Variants in SHANK2 observed in about 807,000 individuals in gnomAD.
SHANK2 encodes SH3 and multiple ankyrin repeat domains 2, also known as SH3 and multiple ankyrin repeat domains protein 2.
SHANK2 carries 43 observed loss-of-function variants against 133.7 expected under a neutral mutation model. That is an observed-to-expected ratio of 0.32 (90% CI 0.25 to 0.41). SHANK2 has a LOEUF of 0.41. Among genes scored for constraint, SHANK2 ranks in the 10% least tolerant of loss-of-function variants. The pLI, the probability that SHANK2 is intolerant of heterozygous loss-of-function variation, is 1.00. For synonymous variants in SHANK2, 1,017 were observed against 952.8 expected (o/e 1.07, Z -1.24); for missense variants, 1,994 against 2,235.8 (o/e 0.89, Z 2.18).
intron 2 of SHANK2, among the ~76,000 whole-genome samples, chr11:71,167,556 T>C (rs1953189685): frequency 9.1e-6 from 1 of 110,114 alleles, no homozygotes; most frequent in Admixed American, 8.9e-5. Context: ...CCCCCCCACC[T>C]CCCTCCCGGA....
At chr11:71,069,070 T>C (rs952893642) in intron 9 of SHANK2, among the ~76,000 whole-genome samples, 1 of 147,834 alleles carries the variant, frequency 6.8e-6, no homozygotes, top group Non-Finnish European at 1.5e-5. Context: ...ACCATCACCA[T>C]CACCACCACC....
intron 12 of SHANK2, among the ~76,000 whole-genome samples, chr11:70,819,776 C>T (rs549423549): frequency 6.6e-6 from 1 of 152,168 alleles, no homozygotes; most frequent in East Asian, 1.9e-4. Flanking sequence ...TGGACCCAGG[C>T]CTGCAAGTGC....
At chr11:70,556,392 TTTCTC>T (rs1554979583) in intron 17 of SHANK2, among the ~76,000 whole-genome samples, 3,579 of 14,514 alleles carry the variant, frequency 0.25, 136 homozygotes, top group Middle Eastern at 0.33. Flanking sequence ...TCTTTCTTTC[TTTCTC>T]TCTCTCTCTC....
chr11:70,605,340 C>A (rs1022587541), intron 17 of SHANK2, among the ~76,000 whole-genome samples: 2 of 152,230 alleles, frequency 1.3e-5, no homozygotes, highest in Non-Finnish European at 2.9e-5. Flanking sequence ...GCTGGCCACG[C>A]CCAGAAGGCA....
intron 14 of SHANK2, among the ~76,000 whole-genome samples, chr11:70,760,296 C>T (rs1186902601): frequency 1.3e-5 from 2 of 152,344 alleles, no homozygotes; most frequent in South Asian, 2.1e-4. Flanking sequence ...CTCCTCGAAG[C>T]GCCTGCCTCT....
At chr11:70,816,620 C>T (rs1948403558) in intron 12 of SHANK2, among the ~76,000 whole-genome samples, 1 of 152,188 alleles carries the variant, frequency 6.6e-6, no homozygotes, top group African/African-American at 2.4e-5. Context: ...GGCAGGCGCA[C>T]AAGGCATGGG....
intron 8 of SHANK2, among the ~76,000 whole-genome samples, chr11:71,079,137 G>C (rs1306721113): frequency 1.3e-5 from 2 of 152,248 alleles, no homozygotes; most frequent in African/African-American, 2.4e-5. Context: ...GTGTGATGCT[G>C]ACAGCACAGC....
intron 10 of SHANK2, among the ~76,000 whole-genome samples, chr11:70,933,979 C>T (rs1950536551): frequency 6.6e-6 from 1 of 151,610 alleles, no homozygotes; most frequent in South Asian, 2.1e-4. Context: ...TGCCTATTAT[C>T]CCAGTGCTTT....
chr11:70,661,987 A>G, intron 15 of SHANK2: 2 of 622,798 alleles, frequency 3.2e-6, no homozygotes, highest in East Asian at 2.9e-5. Context: ...CTGGAGGCTC[A>G]AGGGGGGCTG....
intron 17 of SHANK2, among the ~76,000 whole-genome samples, chr11:70,649,152 C>T (rs782040240): frequency 3.3e-5 from 5 of 152,186 alleles, no homozygotes; most frequent in Non-Finnish European, 7.3e-5. Flanking sequence ...ACTCCTCCAT[C>T]TGCAACCCCA....
chr11:71,196,578 G>A (rs941913240), intron 2 of SHANK2, among the ~76,000 whole-genome samples: 2 of 151,578 alleles, frequency 1.3e-5, no homozygotes, highest in African/African-American at 2.4e-5. Flanking sequence ...GCCATTGCAC[G>A]TGGCCCTGCC....
intron 14 of SHANK2, among the ~76,000 whole-genome samples, chr11:70,712,025 G>A (rs1447076937): frequency 5.9e-5 from 9 of 152,166 alleles, no homozygotes; most frequent in African/African-American, 2.2e-4. Context: ...CAGGCTGGAA[G>A]TCTGACCAGG....
intron 17 of SHANK2, among the ~76,000 whole-genome samples, chr11:70,609,932 C>T (rs570228133): frequency 8.7e-5 from 13 of 150,106 alleles, no homozygotes; most frequent in African/African-American, 3.0e-4. Context: ...AACATGACGC[C>T]GAGTGAAAGA....
intron 11 of SHANK2, among the ~76,000 whole-genome samples, chr11:70,824,052 T>C (rs1555056703): frequency 8.2e-6 from 1 of 121,954 alleles, no homozygotes; most frequent in Non-Finnish European, 1.7e-5. Flanking sequence ...AAAGATGGCA[T>C]TGGCAGGGCT....
rs565236248 is a variant in SHANK2, at chr11:71,130,951, G to A, written c.208-11919C>T. Reference sequence around the variant, plus strand: ...AGCACGTCATTCATTACAAAGAAGCGCATTTCACATTCAGAATTTCCTCTG... The same window carrying A: ...AGCACGTCATTCATTACAAAGAAGCACATTTCACATTCAGAATTTCCTCTG... On this transcript the variant is annotated intron_variant, in intron 3 of 25. Coordinates refer to ENST00000601538, the MANE Select transcript of SHANK2 (RefSeq NM_012309.5). 3.9e-5 allele frequency among the ~76,000 whole-genome samples: 6 copies of A among 152,322 alleles called. No homozygotes were observed. The East Asian group carries it at 5.8e-4, about 15-fold the overall frequency.
chr11:70,944,114 A>G (rs1413871518), intron 10 of SHANK2, among the ~76,000 whole-genome samples: 2 of 152,244 alleles, frequency 1.3e-5, no homozygotes, highest in Admixed American at 1.3e-4. Flanking sequence ...CCTCGAGTAT[A>G]TAACAGCTAC....
At chr11:70,794,537 A>C (rs1164244673) in intron 14 of SHANK2, among the ~76,000 whole-genome samples, 2 of 152,122 alleles carry the variant, frequency 1.3e-5, no homozygotes, top group African/African-American at 4.8e-5. Context: ...CCTGGGGTGA[A>C]AGAAAGGTGT....
chr11:71,236,958 G>A (rs782041673), intron 1 of SHANK2, among the ~76,000 whole-genome samples: 6 of 152,218 alleles, frequency 3.9e-5, no homozygotes, highest in East Asian at 3.9e-4. Context: ...GGGACTTGGC[G>A]CAGGTGGGAC....
chr11:71,234,797 C>T (rs1481934498), intron 1 of SHANK2, among the ~76,000 whole-genome samples: 5 of 152,070 alleles, frequency 3.3e-5, no homozygotes, highest in East Asian at 1.9e-4. Context: ...GGAGCATGGC[C>T]GGGTGGTCCT....
Sources: gnomAD v4.1 joint callset for allele counts (sites outside exome capture counted in the v4.1 genomes callset) on GRCh38, gnomAD v4.1.1 for gene constraint, MANE v1.5 for transcripts, NCBI Gene and HGNC (gene_info 2026-07-23, HGNC 2026-07-21) for gene names.